ROBO2: variants seen among roughly 807,000 people sequenced by gnomAD.
ROBO2 encodes the protein roundabout guidance receptor 2.
ROBO2 carries 53 observed loss-of-function variants against 160.8 expected under a neutral mutation model. The observed-to-expected ratio is 0.33, with a 90% CI of 0.26 to 0.41. ROBO2 has a LOEUF of 0.41. ROBO2 is among the 10% of genes least tolerant of loss of function. The pLI is 1.00. For synonymous variants in ROBO2, 664 were observed against 611.7 expected (o/e 1.09, Z -1.26); for missense variants, 1,577 against 1,722.4 (o/e 0.92, Z 1.49).
intron 2 of ROBO2, among the ~76,000 whole-genome samples, chr3:76,717,166 T>C (rs1310167172): frequency 6.6e-6 from 1 of 152,110 alleles, no homozygotes; most frequent in Non-Finnish European, 1.5e-5. Flanking sequence ...AAAGAATCTG[T>C]TCATCATTTC....
chr3:76,275,041 T>G (rs1707838274), intron 2 of ROBO2, among the ~76,000 whole-genome samples: 1 of 152,128 alleles, frequency 6.6e-6, no homozygotes, highest in Admixed American at 6.6e-5. Flanking sequence ...CTTAATATAA[T>G]AAATAACTGC....
At chr3:76,006,005 T>C (rs1259558044) in intron 2 of ROBO2, among the ~76,000 whole-genome samples, 2 of 152,170 alleles carry the variant, frequency 1.3e-5, no homozygotes, top group African/African-American at 4.8e-5. Flanking sequence ...AAAATACATA[T>C]GTGACCAGTT....
intron 2 of ROBO2, among the ~76,000 whole-genome samples, chr3:77,351,315 G>A (rs1275118296): frequency 1.3e-5 from 2 of 152,182 alleles, no homozygotes; most frequent in African/African-American, 2.4e-5. Flanking sequence ...ATTTAAGTCT[G>A]AGAGTTAACA....
intron 2 of ROBO2, among the ~76,000 whole-genome samples, chr3:77,296,791 C>T (rs2062178870): frequency 6.6e-6 from 1 of 152,080 alleles, no homozygotes. Flanking sequence ...GGGAGAGAGG[C>T]GTGTGCAACA....
rs187061498 is a variant in ROBO2, at chr3:76,053,010, T to C, written c.109+115408T>C. On this transcript the variant is annotated intron_variant, in intron 2 of 26. Coordinates refer to the ROBO2 transcript ENST00000487694. ...AGTTTTATGAATTAAGCTTTAACTTTGAGATAATTTTATATTCATAGGCAG... is the reference window on the plus strand; with the variant it reads ...AGTTTTATGAATTAAGCTTTAACTTCGAGATAATTTTATATTCATAGGCAG... Among the ~76,000 whole-genome samples the C allele has an allele frequency of 6.6e-5, 10 of 152,142 alleles. No individual in the cohort carries two copies. The East Asian group carries it at 1.7e-3, about 26-fold the overall frequency.
rs981364141 is a variant in ROBO2 at position 76,322,189 on chromosome 3, T to C, written c.109+384587T>C. On this transcript the variant is annotated intron_variant, in intron 2 of 26. Transcript: ENST00000487694. ...GTATATATATATATATATATATATATATATATATATATATAATATACACAC... is the reference window on the plus strand; with the variant it reads ...GTATATATATATATATATATATATACATATATATATATATAATATACACAC... Among the ~76,000 whole-genome samples, 3 of 91,820 alleles carry C rather than the reference T, an allele frequency of 3.3e-5. No homozygotes were observed. In the East Asian group the frequency reaches 9.8e-4, roughly 30 times the overall value. The allele number at this position is 91,820 out of a possible 152,430, so 60.2% of individuals were successfully genotyped here. A position where few individuals can be genotyped will look rare whatever the true frequency, so the allele number is the denominator to read the frequency against.
intron 2 of ROBO2, among the ~76,000 whole-genome samples, chr3:76,509,409 C>T (rs956180195): frequency 6.6e-6 from 1 of 152,176 alleles, no homozygotes; most frequent in Non-Finnish European, 1.5e-5. Flanking sequence ...TGGGTGGCAG[C>T]TTAGCCTTGA....
At chr3:75,997,881 C>T (rs966687995) in intron 2 of ROBO2, among the ~76,000 whole-genome samples, 13 of 152,098 alleles carry the variant, frequency 8.5e-5, no homozygotes, top group African/African-American at 1.4e-4. Context: ...GGAGTCTACC[C>T]AGTAACCAAT....
At chr3:76,556,099 C>T (rs1455484100) in intron 2 of ROBO2, among the ~76,000 whole-genome samples, 1 of 149,688 alleles carries the variant, frequency 6.7e-6, no homozygotes, top group African/African-American at 2.5e-5. Context: ...GATTCCATCT[C>T]CAAAAAATAA....
intron 2 of ROBO2, among the ~76,000 whole-genome samples, chr3:76,256,357 T>C (rs1231266): frequency 0.23 from 23,696 of 102,494 alleles, 3,149 homozygotes; most frequent in Non-Finnish European, 0.31. Flanking sequence ...CTCTCTCACA[T>C]ACACACACAC....
intron 2 of ROBO2, among the ~76,000 whole-genome samples, chr3:76,508,388 G>A (rs2080903818): frequency 1.3e-5 from 2 of 151,994 alleles, no homozygotes; most frequent in Non-Finnish European, 1.5e-5. Flanking sequence ...ATACCTGTTT[G>A]GAGGCTGTTG....
intron 2 of ROBO2, among the ~76,000 whole-genome samples, chr3:77,431,101 A>G (rs1000112895): frequency 6.6e-6 from 1 of 152,276 alleles, no homozygotes; most frequent in Non-Finnish European, 1.5e-5. Flanking sequence ...AGAAATGTAT[A>G]TAGTGCAACA....
chr3:77,352,352 C>T (rs1009081171), intron 2 of ROBO2, among the ~76,000 whole-genome samples: 3 of 152,048 alleles, frequency 2.0e-5, no homozygotes, highest in South Asian at 2.1e-4. Context: ...CTTTACAATT[C>T]GTGCATCATT....
chr3:76,491,952 C>A (rs925534260), intron 2 of ROBO2, among the ~76,000 whole-genome samples: 1 of 151,892 alleles, frequency 6.6e-6, no homozygotes, highest in Admixed American at 6.6e-5. Flanking sequence ...AACAAACAAA[C>A]AAAAAAATTA....
At chr3:76,893,471 A>C (rs1370551115) in intron 2 of ROBO2, among the ~76,000 whole-genome samples, 2 of 152,136 alleles carry the variant, frequency 1.3e-5, no homozygotes, top group Admixed American at 1.3e-4. Flanking sequence ...ATAATGTCTA[A>C]TTGAATATAC....
intron 2 of ROBO2, among the ~76,000 whole-genome samples, chr3:76,140,832 T>C (rs1329914398): frequency 6.6e-6 from 1 of 151,166 alleles, no homozygotes; most frequent in African/African-American, 2.4e-5. Flanking sequence ...GTCAGTGAAT[T>C]AATATTTTTA....
intron 2 of ROBO2, among the ~76,000 whole-genome samples, chr3:76,269,232 G>A (rs955370247): frequency 1.3e-5 from 2 of 152,134 alleles, no homozygotes; most frequent in African/African-American, 4.8e-5. Flanking sequence ...TTACTCTAAT[G>A]TGGTTATTAC....
At chr3:76,208,296 G>A (rs1702930001) in intron 2 of ROBO2, among the ~76,000 whole-genome samples, 1 of 152,112 alleles carries the variant, frequency 6.6e-6, no homozygotes, top group Admixed American at 6.6e-5. Flanking sequence ...TGCTCTCCTT[G>A]TAATGGAAAT....
At chr3:76,545,560 A>C (rs263518) in intron 2 of ROBO2, among the ~76,000 whole-genome samples, 6,756 of 151,982 alleles carry the variant, frequency 0.044, 515 homozygotes, top group African/African-American at 0.15. Flanking sequence ...AATGATTCTA[A>C]CATTGTTAAT....
Sources: gnomAD v4.1 joint callset for allele counts (sites outside exome capture counted in the v4.1 genomes callset) on GRCh38, gnomAD v4.1.1 for gene constraint, MANE v1.5 for transcripts, NCBI Gene and HGNC (gene_info 2026-07-23, HGNC 2026-07-21) for gene names.